The following CSMD1 variants were observed in gnomAD, a reference collection of about 807,000 sequenced individuals.
CSMD1 encodes the protein CUB and sushi domain-containing protein 1.
A neutral mutation model predicts 417.5 loss-of-function variants in CSMD1; 213 were observed. The observed-to-expected ratio is 0.51, with a 90% CI of 0.46 to 0.57. CSMD1 has a LOEUF of 0.57. Ranked by LOEUF, CSMD1 falls within the 20% of genes least tolerant of loss-of-function variation. CSMD1 has a pLI of 0.00. For synonymous variants in CSMD1, 2,862 were observed against 1,736.8 expected (o/e 1.65, Z -16.11); for missense variants, 6,923 against 4,529.7 (o/e 1.53, Z -15.17).
chr8:3,257,969 G>A (rs753216502), intron 26 of CSMD1, among the ~76,000 whole-genome samples: 7 of 152,162 alleles, frequency 4.6e-5, no homozygotes, highest in African/African-American at 1.2e-4. Context: ...TGGAGAGGCC[G>A]TGAGACCAGG....
intron 3 of CSMD1, among the ~76,000 whole-genome samples, chr8:4,205,840 G>C (rs1799947441): frequency 6.6e-6 from 1 of 152,148 alleles, no homozygotes; most frequent in Admixed American, 6.5e-5. Context: ...TAACATATGA[G>C]TACAAATAAA....
At chr8:4,644,643 A>T (rs528608763) in intron 1 of CSMD1, among the ~76,000 whole-genome samples, 1 of 152,354 alleles carries the variant, frequency 6.6e-6, no homozygotes, top group South Asian at 2.1e-4. Context: ...CTCTGACCTC[A>T]GGTGATGGCC....
At chr8:4,265,633 A>T (rs1804190309) in intron 3 of CSMD1, among the ~76,000 whole-genome samples, 1 of 105,398 alleles carries the variant, frequency 9.5e-6, no homozygotes, top group African/African-American at 2.6e-5. Flanking sequence ...ATTAAAAACA[A>T]ATATATTAGG....
At chr8:3,694,207 G>T (rs183833785) in intron 7 of CSMD1, among the ~76,000 whole-genome samples, 54 of 152,176 alleles carry the variant, frequency 3.5e-4, no homozygotes, top group African/African-American at 1.2e-3. Context: ...GATGGGGCAG[G>T]GACCTCTGAA....
At chr8:4,140,891 C>T (rs1275310563) in intron 3 of CSMD1, among the ~76,000 whole-genome samples, 2 of 151,068 alleles carry the variant, frequency 1.3e-5, no homozygotes, top group Non-Finnish European at 1.5e-5. Context: ...ATCGCCAATG[C>T]ACAGGCTCAG....
At chr8:2,999,906 C>A (rs1807246935) in intron 53 of CSMD1, 52 bp downstream of exon 53, 7 of 1,508,470 alleles carry the variant, frequency 4.6e-6, no homozygotes, top group Non-Finnish European at 6.3e-6. Context: ...TAACAAAAGA[C>A]AATGTGGCAA....
intron 5 of CSMD1, among the ~76,000 whole-genome samples, chr8:3,760,915 T>C (rs1188463473): frequency 2.0e-5 from 3 of 152,150 alleles, no homozygotes; most frequent in Non-Finnish European, 4.4e-5. Context: ...AGGAGACCAG[T>C]TTTGTGTCAA....
At chr8:3,201,159 G>T (rs940566405) in intron 32 of CSMD1, among the ~76,000 whole-genome samples, 4 of 152,154 alleles carry the variant, frequency 2.6e-5, no homozygotes, top group Admixed American at 6.5e-5. Flanking sequence ...TGCATGTGTG[G>T]ATAAATGTAT....
chr8:3,349,263 C>G (rs576821406), intron 21 of CSMD1, among the ~76,000 whole-genome samples: 1 of 152,254 alleles, frequency 6.6e-6, no homozygotes, highest in Non-Finnish European at 1.5e-5. Context: ...TGCCCACTGC[C>G]ACGATACTGA....
At position 4,323,024 on chromosome 8, in the gene CSMD1, C is replaced by T. The variant is rs533161196; in HGVS notation, c.415+96929G>A. Among the ~76,000 whole-genome samples, 78 of 152,238 alleles carry T rather than the reference C, an allele frequency of 5.1e-4. No individual in the cohort carries two copies. In the South Asian group the frequency reaches 0.016, roughly 32 times the overall value. ...AAATATAAAATAAAATAAAATGCAG[C>T]AGGAATCTGAGAATAGAAAGATTTT... is the stretch of plus-strand genomic sequence containing the variant. On this transcript the variant is annotated intron_variant, in intron 3 of 69. Coordinates refer to ENST00000635120, the MANE Select transcript of CSMD1 (RefSeq NM_033225.6).
intron 2 of CSMD1, among the ~76,000 whole-genome samples, chr8:4,569,834 G>A (rs1212504282): frequency 6.6e-6 from 1 of 152,094 alleles, no homozygotes; most frequent in Non-Finnish European, 1.5e-5. Flanking sequence ...CTGATTTGTA[G>A]TTCTCCTTGA....
Position 3,484,663 on chromosome 8 carries a change from G to A in CSMD1, c.1448+8960C>T, listed in dbSNP as rs554442945. The stretch of plus-strand genomic sequence containing the variant: ...AAAGTGAAAAGACAAGCCGCAGACT[G>A]AGAAAAAATAGCTGCAAACCATGTA... On this transcript the variant is annotated intron_variant, in intron 11 of 69. Coordinates refer to ENST00000635120, the MANE Select transcript of CSMD1 (RefSeq NM_033225.6). Among the ~76,000 whole-genome samples, 82 of 152,244 alleles carry A rather than the reference G, an allele frequency of 5.4e-4. 2 individuals carry two copies. The Middle Eastern group carries it at 0.014, about 25-fold the overall frequency.
intron 2 of CSMD1, among the ~76,000 whole-genome samples, chr8:4,458,231 C>T (rs547626375): frequency 1.2e-4 from 18 of 152,136 alleles, no homozygotes; most frequent in Middle Eastern, 3.4e-3. Flanking sequence ...TTATAATGAT[C>T]GGTCACACTT....
intron 5 of CSMD1, among the ~76,000 whole-genome samples, chr8:3,957,909 G>C (rs1415529907): frequency 6.6e-6 from 1 of 152,070 alleles, no homozygotes; most frequent in Non-Finnish European, 1.5e-5. Flanking sequence ...TCCTTTGTTT[G>C]GCTGGTGATC....
At chr8:4,815,106 T>C (rs1315136130) in intron 1 of CSMD1, among the ~76,000 whole-genome samples, 1 of 152,132 alleles carries the variant, frequency 6.6e-6, no homozygotes. Context: ...GAAATGACAG[T>C]TCTGACTCAA....
intron 3 of CSMD1, among the ~76,000 whole-genome samples, chr8:4,324,580 A>G (rs1799446272): frequency 6.6e-6 from 1 of 152,202 alleles, no homozygotes; most frequent in African/African-American, 2.4e-5. Context: ...AAGGACTGAT[A>G]AACCTACTAG....
chr8:3,032,088 G>A (rs1265757831), intron 50 of CSMD1, among the ~76,000 whole-genome samples: 1 of 151,726 alleles, frequency 6.6e-6, no homozygotes. Context: ...ACGTGTATGA[G>A]TGGAAATTAG....
intron 5 of CSMD1, among the ~76,000 whole-genome samples, chr8:3,950,817 TATATTAAAATACTGTGCTAAGTAGA>T (rs1563245572): frequency 7.2e-5 from 11 of 152,040 alleles, no homozygotes. Context: ...ATAGGTTTAG[TATATTAAAATACTGTGCTAAGTAGA>T]ATATTTTCTT....
intron 1 of CSMD1, among the ~76,000 whole-genome samples, chr8:4,643,604 G>T (rs1346579477): frequency 6.6e-6 from 1 of 152,194 alleles, no homozygotes; most frequent in African/African-American, 2.4e-5. Flanking sequence ...TAAGGAGTAC[G>T]ACAGACTTCT....
Sources: allele counts gnomAD v4.1 joint callset (sites outside exome capture counted in the v4.1 genomes callset), GRCh38; gene constraint gnomAD v4.1.1; transcripts MANE v1.5; gene names NCBI Gene and HGNC (gene_info 2026-07-23, HGNC 2026-07-21).